MAP2: variants seen among roughly 807,000 people sequenced by gnomAD.
MAP2 encodes the protein microtubule-associated protein 2.
Under a neutral mutation model 137.6 loss-of-function variants are expected in MAP2, and 14 were observed. The observed-to-expected ratio is 0.10, with a 90% CI of 0.07 to 0.16. The LOEUF (loss-of-function observed/expected upper bound fraction) is 0.16, where lower values mean the gene tolerates loss of function less well. MAP2 is among the 10% of genes least tolerant of loss of function. The pLI is 1.00. For missense variants in MAP2, 2,088 were observed against 2,191.5 expected (o/e 0.95, Z 0.94); for synonymous variants, 786 against 782.3 (o/e 1.00, Z -0.08).
rs191643408 is a variant in MAP2 at position 209,666,994 on chromosome 2, A to G, written c.263-11578A>G. 5.2e-3 allele frequency among the ~76,000 whole-genome samples: 796 copies of G among 152,104 alleles called. 13 individuals carry two copies. Among genetic ancestry groups the G allele is most frequent in the African/African-American group, 0.018 (744 of 41,494 alleles). ...GAATGTGGAAAAACTACAGTATGTA[A>G]ATAGAAAGTGGTTTTCTTCACCAGT... On this transcript the variant is annotated intron_variant, in intron 5 of 15. Transcript: ENST00000682079.
chr2:209,519,423 A>G (rs112675149), intron 2 of MAP2, among the ~76,000 whole-genome samples: 41 of 152,178 alleles, frequency 2.7e-4, no homozygotes, highest in Non-Finnish European at 5.3e-4. Flanking sequence ...AAGTTTTGCA[A>G]CTTGGAGCAA....
intron 7 of MAP2, 100 bp from the exon 8 acceptor site, chr2:209,692,525 T>C: frequency 7.3e-7 from 1 of 1,378,904 alleles, no homozygotes; most frequent in Non-Finnish European, 9.7e-7. Context: ...ATTTTTGTTT[T>C]TATTCTACCA....
At chr2:209,708,722 C>T (rs534410434) in intron 12 of MAP2, among the ~76,000 whole-genome samples, 60 of 152,124 alleles carry the variant, frequency 3.9e-4, no homozygotes, top group African/African-American at 1.4e-3. Context: ...ACTTAAGCAG[C>T]AGTAAAAAAT....
rs2075735420 is a variant in MAP2, at chr2:209,731,265, AC to A, written c.*871del. The A allele has an allele frequency of 6.6e-6, 1 of 152,318 alleles. No homozygotes were observed. The highest frequency in any genetic ancestry group is 1.5e-5 in the Non-Finnish European group (1 of 68,024). The allele number at this position is 152,318 out of a possible 1,614,324, so 9.4% of individuals were successfully genotyped here. On this transcript the variant is annotated 3_prime_UTR_variant, in exon 16 of 16. Coordinates refer to ENST00000682079, the MANE Select transcript of MAP2 (RefSeq NM_001375505.1). ...TATTCACAGTATCTGTGTCTCCTGC[AC>A]CCTTTGGTGTTGCAATTTTAGATAT... is the stretch of plus-strand genomic sequence containing the variant.
intron 2 of MAP2, among the ~76,000 whole-genome samples, chr2:209,548,804 A>G (rs1352795705): frequency 1.3e-5 from 2 of 152,024 alleles, no homozygotes; most frequent in Non-Finnish European, 2.9e-5. Context: ...TCCTGTGTTC[A>G]TTCTCCCTCC....
At chr2:209,678,738 A>C in intron 6 of MAP2, 53 bp downstream of exon 6, 1 of 1,049,686 alleles carries the variant, frequency 9.5e-7, no homozygotes, top group South Asian at 1.6e-5. Flanking sequence ...CCCTGATCAC[A>C]GGATAAAGTC....
chr2:209,729,799 G>A (rs767751536), intron 14 of MAP2, 51 bp from the exon 15 acceptor site: 2 of 1,273,768 alleles, frequency 1.6e-6, no homozygotes, highest in Non-Finnish European at 2.3e-6. Flanking sequence ...TTGGGAAATA[G>A]TTACCACGAA....
rs776555892 is a variant in MAP2 at position 209,692,936 on chromosome 2, C to G, written c.766C>G (p.Pro256Ala). Reference sequence around the variant, plus strand: ...ACCTGGCATTGACCTCCCTAAAGAGCCTCCAACTCCAAAAGAACAAAAGGA... The same window carrying G: ...ACCTGGCATTGACCTCCCTAAAGAGGCTCCAACTCCAAAAGAACAAAAGGA... ...VVPGIDLPKE[P>A]PTPKEQKDWF... The change falls in exon 8 of 16, where the codon CCT becomes GCT. Residue 256 changes from proline (P) to alanine (A), a missense_variant. Pro to Ala is a conservative substitution (Grantham distance 27, BLOSUM62 -1). This residue lies in a region of MAP2 where 859 missense variants were observed against 794.5 expected (regional missense o/e 1.08). Coordinates refer to ENST00000682079, the MANE Select transcript of MAP2 (RefSeq NM_001375505.1). 1 of 1,614,046 alleles carries G rather than the reference C, an allele frequency of 6.2e-7. No homozygotes were observed. The highest frequency in any genetic ancestry group is 8.5e-7 in the Non-Finnish European group (1 of 1,179,982).
At chr2:209,598,325 A>G (rs931832123) in intron 3 of MAP2, among the ~76,000 whole-genome samples, 1 of 152,098 alleles carries the variant, frequency 6.6e-6, no homozygotes, top group Non-Finnish European at 1.5e-5. Flanking sequence ...CCTATTCTTA[A>G]CTTGAACCCC....
intron 7 of MAP2, among the ~76,000 whole-genome samples, chr2:209,681,615 G>GA (rs1437215814): frequency 6.6e-6 from 1 of 152,142 alleles, no homozygotes; most frequent in African/African-American, 2.4e-5. Context: ...AGAGTCACAG[G>GA]AAAAGGCAGA....
chr2:209,568,787 G>T (rs1270217287), intron 2 of MAP2, among the ~76,000 whole-genome samples: 1 of 151,792 alleles, frequency 6.6e-6, no homozygotes, highest in Non-Finnish European at 1.5e-5. Context: ...CTTTCAAGAA[G>T]ATCAGCCAAG....
chr2:209,655,073 G>A (rs2095057997), intron 5 of MAP2, among the ~76,000 whole-genome samples: 1 of 152,164 alleles, frequency 6.6e-6, no homozygotes, highest in Non-Finnish European at 1.5e-5. Context: ...TTAAGTATTT[G>A]AGAGCATCAG....
At chr2:209,655,586 G>A (rs1396009472) in intron 5 of MAP2, among the ~76,000 whole-genome samples, 1 of 152,140 alleles carries the variant, frequency 6.6e-6, no homozygotes, top group Admixed American at 6.5e-5. Context: ...TTCACAAATT[G>A]TGTAATAAAA....
chr2:209,603,570 G>C (rs1345845665), intron 3 of MAP2, among the ~76,000 whole-genome samples: 3 of 152,092 alleles, frequency 2.0e-5, no homozygotes, highest in Non-Finnish European at 4.4e-5. Context: ...ATGCTGGTGG[G>C]CAGCTCCTTT....
At chr2:209,483,907 AGGCCTC>A (rs1309180701) in intron 1 of MAP2, among the ~76,000 whole-genome samples, 27 of 152,128 alleles carry the variant, frequency 1.8e-4, no homozygotes, top group Admixed American at 1.2e-3. Flanking sequence ...ATTTTCTTAG[AGGCCTC>A]AGAGCACTTC....
chr2:209,513,978 A>G (rs1007519641), intron 2 of MAP2, among the ~76,000 whole-genome samples: 5 of 152,172 alleles, frequency 3.3e-5, no homozygotes, highest in Non-Finnish European at 7.4e-5. Context: ...TTTATGATGC[A>G]TCAAATTTCA....
At chr2:209,437,678 A>G (rs1696680407) in intron 1 of MAP2, among the ~76,000 whole-genome samples, 1 of 151,616 alleles carries the variant, frequency 6.6e-6, no homozygotes, top group Non-Finnish European at 1.5e-5. Context: ...AAAACTTACT[A>G]ATTAGCTGTG....
intron 1 of MAP2, among the ~76,000 whole-genome samples, chr2:209,493,311 TA>T (rs1228735617): frequency 6.6e-6 from 1 of 152,136 alleles, no homozygotes; most frequent in Non-Finnish European, 1.5e-5. Flanking sequence ...ACATAATACC[TA>T]AAACCATAAA....
chr2:209,458,547 A>G (rs1214013166), intron 1 of MAP2, among the ~76,000 whole-genome samples: 4 of 152,278 alleles, frequency 2.6e-5, no homozygotes, highest in South Asian at 4.1e-4. Context: ...CAGGCTGCCT[A>G]TTGAGAGATA....
Sources: allele counts gnomAD v4.1 joint callset (sites outside exome capture counted in the v4.1 genomes callset), GRCh38; gene constraint gnomAD v4.1.1; regional missense constraint gnomAD v4.1.1; transcripts MANE v1.5; gene names NCBI Gene and HGNC (gene_info 2026-07-23, HGNC 2026-07-21).